Variants in THSD4 observed in about 807,000 individuals in gnomAD.
THSD4 encodes thrombospondin type-1 domain-containing protein 4.
THSD4 carries 69 observed loss-of-function variants against 119.0 expected under a neutral mutation model. That is an observed-to-expected ratio of 0.58 (90% CI 0.48 to 0.71). The LOEUF is 0.71. Among genes scored for constraint, THSD4 ranks in the 30% least tolerant of loss-of-function variants. The pLI, the probability that THSD4 is intolerant of heterozygous loss-of-function variation, is 0.00. For synonymous variants in THSD4, 524 were observed against 540.4 expected (o/e 0.97, Z 0.42); for missense variants, 1,393 against 1,391.1 (o/e 1.00, Z -0.02).
intron 7 of THSD4, among the ~76,000 whole-genome samples, chr15:71,625,142 G>A (rs2050484626): frequency 6.6e-6 from 1 of 152,078 alleles, no homozygotes; most frequent in African/African-American, 2.4e-5. Flanking sequence ...AAGTAGCCAG[G>A]ACTGCAGATA....
At chr15:71,703,079 C>T (rs1483426380) in intron 8 of THSD4, among the ~76,000 whole-genome samples, 2 of 151,846 alleles carry the variant, frequency 1.3e-5, no homozygotes, top group African/African-American at 4.8e-5. Context: ...CTCCTGGGTT[C>T]GAAGGATTCT....
At chr15:71,676,572 G>A (rs893782109) in intron 8 of THSD4, among the ~76,000 whole-genome samples, 2 of 152,062 alleles carry the variant, frequency 1.3e-5, no homozygotes. Context: ...GAGCTACTGC[G>A]CCCAGCCTCA....
In THSD4 at chr15:71,183,428, C is replaced by G. The variant is rs772735793; in HGVS notation, c.99+28496C>G. On this transcript the variant is annotated intron_variant, in intron 3 of 17. Coordinates refer to ENST00000261862, the MANE Select transcript of THSD4 (RefSeq NM_024817.3). ...TTGCCTGGTTAATACCTCAGTTCTA[C>G]TGCTTAGTAATTCTGGACCTTGGGC... Among the ~76,000 whole-genome samples, 9 of 151,764 alleles carry G rather than the reference C, an allele frequency of 5.9e-5. 1 individual carries two copies. Among genetic ancestry groups the G allele is most frequent in the Non-Finnish European group, 1.0e-4 (7 of 67,874 alleles).
intron 7 of THSD4, among the ~76,000 whole-genome samples, chr15:71,652,959 T>C (rs1295225001): frequency 1.3e-5 from 2 of 152,200 alleles, no homozygotes; most frequent in Non-Finnish European, 2.9e-5. Flanking sequence ...TCCCTCCCTT[T>C]AAACATGGCA....
chr15:71,290,432 T>A (rs954283736), intron 6 of THSD4, among the ~76,000 whole-genome samples: 1 of 152,244 alleles, frequency 6.6e-6, no homozygotes, highest in African/African-American at 2.4e-5. Flanking sequence ...TAGATTTTTT[T>A]TTTCCCCTCT....
At chr15:71,533,096 T>C (rs1004526009) in intron 7 of THSD4, among the ~76,000 whole-genome samples, 2 of 152,220 alleles carry the variant, frequency 1.3e-5, no homozygotes, top group African/African-American at 2.4e-5. Flanking sequence ...TGCAGTTTGA[T>C]AAAATAACCT....
chr15:71,455,198 C>G (rs1224763987), intron 7 of THSD4, among the ~76,000 whole-genome samples: 1 of 152,192 alleles, frequency 6.6e-6, no homozygotes, highest in Non-Finnish European at 1.5e-5. Context: ...ACTTTGCTTT[C>G]CCTCCTTCTG....
At chr15:71,651,931 CA>C (rs2051097943) in intron 7 of THSD4, among the ~76,000 whole-genome samples, 4 of 152,184 alleles carry the variant, frequency 2.6e-5, no homozygotes, top group Admixed American at 2.6e-4. Flanking sequence ...AAGGAAATGA[CA>C]AAGATGCCGG....
Position 71,345,959 on chromosome 15 carries a change from A to G in THSD4, c.1016-65728A>G, listed in dbSNP as rs114018505. Among the ~76,000 whole-genome samples, 500 of 152,282 alleles carry G rather than the reference A, an allele frequency of 3.3e-3. 5 individuals carry two copies. The highest frequency in any genetic ancestry group is 0.011 in the African/African-American group (473 of 41,556). Reference sequence around the variant, plus strand: ...TTCCTGTAAACAAAAAAATTCTCATACATAACCACAAAGCAACCATCAGAA... The same window carrying G: ...TTCCTGTAAACAAAAAAATTCTCATGCATAACCACAAAGCAACCATCAGAA... On this transcript the variant is annotated intron_variant, in intron 6 of 17. Coordinates refer to ENST00000261862, the MANE Select transcript of THSD4 (RefSeq NM_024817.3).
At chr15:71,394,403 G>A (rs2140473973) in intron 6 of THSD4, among the ~76,000 whole-genome samples, 1 of 151,422 alleles carries the variant, frequency 6.6e-6, no homozygotes, top group East Asian at 2.0e-4. Flanking sequence ...CTCCTGAGTA[G>A]CTGGGACTAC....
At chr15:71,433,153 G>A (rs2046964309) in intron 7 of THSD4, among the ~76,000 whole-genome samples, 2 of 151,522 alleles carry the variant, frequency 1.3e-5, no homozygotes, top group South Asian at 4.2e-4. Context: ...ATATTTACTA[G>A]TAAGTTTATT....
intron 11 of THSD4, among the ~76,000 whole-genome samples, chr15:71,742,280 T>A (rs1464344116): frequency 6.6e-6 from 1 of 152,250 alleles, no homozygotes; most frequent in Non-Finnish European, 1.5e-5. Flanking sequence ...GGAAGGGCCC[T>A]GTTGCTGGCA....
rs182912412 is a variant in THSD4, at chr15:71,685,429, A to C, written c.1357+24695A>C. Among the ~76,000 whole-genome samples the C allele has an allele frequency of 1.7e-4, 26 of 152,228 alleles. No individual in the cohort carries two copies. The East Asian group carries it at 4.8e-3, about 28-fold the overall frequency. On this transcript the variant is annotated intron_variant, in intron 8 of 17. Coordinates refer to ENST00000261862, the MANE Select transcript of THSD4 (RefSeq NM_024817.3). ...AGAATTTTATATTACTTTGCTTTCA[A>C]ATAACAATAATAAACTCACTATATA...
chr15:71,492,562 C>T (rs2140703538), intron 7 of THSD4, among the ~76,000 whole-genome samples: 1 of 152,220 alleles, frequency 6.6e-6, no homozygotes, highest in Non-Finnish European at 1.5e-5. Flanking sequence ...GCTGGGATTA[C>T]TTAGGTTTTG....
chr15:71,347,508 T>C (rs1344092232), intron 6 of THSD4, among the ~76,000 whole-genome samples: 2 of 152,214 alleles, frequency 1.3e-5, no homozygotes, highest in Non-Finnish European at 2.9e-5. Flanking sequence ...TATATACATT[T>C]ATTCATTCAA....
At chr15:71,369,015 G>A (rs1401204913) in intron 6 of THSD4, among the ~76,000 whole-genome samples, 2 of 152,120 alleles carry the variant, frequency 1.3e-5, no homozygotes, top group Admixed American at 1.3e-4. Flanking sequence ...CTTGTAAGTT[G>A]GATTCCTAGG....
chr15:71,153,393 T>C (rs1001583606), intron 2 of THSD4, among the ~76,000 whole-genome samples: 1 of 152,232 alleles, frequency 6.6e-6, no homozygotes, highest in African/African-American at 2.4e-5. Flanking sequence ...CTTTGGAATG[T>C]GTGCATACTT....
chr15:71,168,048 C>T (rs2043311655), intron 3 of THSD4, among the ~76,000 whole-genome samples: 1 of 152,188 alleles, frequency 6.6e-6, no homozygotes, highest in South Asian at 2.1e-4. Flanking sequence ...TCCTCATGTT[C>T]CTGCAATATG....
At chr15:71,446,738 ACT>A (rs1200548271) in intron 7 of THSD4, among the ~76,000 whole-genome samples, 1 of 151,978 alleles carries the variant, frequency 6.6e-6, no homozygotes, top group East Asian at 1.9e-4. Flanking sequence ...TCTCTGCCAA[ACT>A]CTGTGTGGCC....
Sources: allele counts gnomAD v4.1 joint callset (sites outside exome capture counted in the v4.1 genomes callset), GRCh38; gene constraint gnomAD v4.1.1; transcripts MANE v1.5; gene names NCBI Gene and HGNC (gene_info 2026-07-23, HGNC 2026-07-21).